PREX2: variants seen among roughly 807,000 people sequenced by gnomAD.
PREX2 encodes the protein phosphatidylinositol-3,4,5-trisphosphate dependent Rac exchange factor 2, also known as phosphatidylinositol 3,4,5-trisphosphate-dependent Rac exchanger 2 protein.
PREX2 carries 107 observed loss-of-function variants against 203.2 expected under a neutral mutation model. The ratio of observed to expected loss-of-function variants is 0.53; its 90% CI spans 0.45 to 0.62. The LOEUF is 0.62. Among genes scored for constraint, PREX2 ranks in the 20% least tolerant of loss-of-function variants. The pLI is 0.00. For missense variants in PREX2, 1,777 were observed against 1,955.9 expected, an observed-to-expected ratio of 0.91 and a Z score of 1.72; for synonymous variants, 672 against 663.6, an observed-to-expected ratio of 1.01 and a Z score of -0.19.
intron 1 of PREX2, among the ~76,000 whole-genome samples, chr8:68,011,263 T>G (rs1441946364): frequency 6.6e-6 from 1 of 152,106 alleles, no homozygotes; most frequent in African/African-American, 2.4e-5. Flanking sequence ...GCTCAAACAC[T>G]TCAAGAACAA....
rs1175959965 is a variant in PREX2, at chr8:68,027,112, A to G, written c.442-110A>G. 8.0e-6 allele frequency: 6 copies of G among 751,010 alleles called. No homozygotes were observed. The East Asian group carries it at 1.6e-4, about 20-fold the overall frequency. The allele number at this position is 751,010 out of a possible 1,614,324, so 46.5% of individuals were successfully genotyped here. A position where few individuals can be genotyped will look rare whatever the true frequency, so the allele number is the denominator to read the frequency against. On this transcript the variant is annotated intron_variant, in intron 4 of 39. Coordinates refer to ENST00000288368, the MANE Select transcript of PREX2 (RefSeq NM_024870.4). ...GAATATGCTCTTCTTAGAGAAAGAA[A>G]GTATATGAAGACATATGCTTTCACT...
intron 17 of PREX2, among the ~76,000 whole-genome samples, chr8:68,081,252 G>T (rs1397787690): frequency 6.6e-6 from 1 of 152,142 alleles, no homozygotes; most frequent in Non-Finnish European, 1.5e-5. Flanking sequence ...TTCACAATTG[G>T]GTTCGCGCTC....
At chr8:68,228,943 T>TCA (rs200976299) in intron 39 of PREX2, among the ~76,000 whole-genome samples, 21 of 113,852 alleles carry the variant, frequency 1.8e-4, no homozygotes, top group South Asian at 3.6e-4. Context: ...CCTTGTCTCT[T>TCA]TAAAAAAAAA....
intron 34 of PREX2, among the ~76,000 whole-genome samples, chr8:68,147,241 T>A (rs1370576855): frequency 6.6e-6 from 1 of 152,208 alleles, no homozygotes; most frequent in Non-Finnish European, 1.5e-5. Context: ...GGGAATAAAA[T>A]GTATCTATCT....
intron 31 of PREX2, among the ~76,000 whole-genome samples, chr8:68,128,945 T>G (rs1219549486): frequency 6.6e-6 from 1 of 152,114 alleles, no homozygotes; most frequent in Non-Finnish European, 1.5e-5. Context: ...TGAAAAAAGG[T>G]TTTGCCTTGC....
At chr8:68,220,754 A>C (rs1270735176) in intron 38 of PREX2, among the ~76,000 whole-genome samples, 2 of 152,210 alleles carry the variant, frequency 1.3e-5, no homozygotes, top group Non-Finnish European at 1.5e-5. Context: ...TACCTAGTAC[A>C]AAGTAAATGC....
chr8:67,954,225 C>G (rs1805431001), intron 1 of PREX2, among the ~76,000 whole-genome samples: 1 of 152,130 alleles, frequency 6.6e-6, no homozygotes, highest in African/African-American at 2.4e-5. Context: ...TTCTTTTTAT[C>G]TCTTTCAGAA....
At chr8:68,102,074 C>G (rs951655727) in intron 23 of PREX2, among the ~76,000 whole-genome samples, 1 of 152,158 alleles carries the variant, frequency 6.6e-6, no homozygotes, top group African/African-American at 2.4e-5. Flanking sequence ...CGCAGATGGG[C>G]AGGCTAATGG....
chr8:68,211,611 C>T (rs907124596), intron 37 of PREX2, among the ~76,000 whole-genome samples: 3 of 152,268 alleles, frequency 2.0e-5, no homozygotes, highest in East Asian at 1.9e-4. Context: ...GCCTGAGAGT[C>T]GAAGTAACCT....
At chr8:67,977,776 A>G (rs552464526) in intron 1 of PREX2, among the ~76,000 whole-genome samples, 5 of 152,254 alleles carry the variant, frequency 3.3e-5, no homozygotes, top group South Asian at 2.1e-4. Flanking sequence ...AAAACCCCAA[A>G]GTACTAGGTT....
intron 1 of PREX2, among the ~76,000 whole-genome samples, chr8:67,968,071 A>AT (rs886570091): frequency 3.0e-4 from 7 of 23,610 alleles, no homozygotes; most frequent in African/African-American, 2.6e-3. Flanking sequence ...CTTAAAGTAT[A>AT]AAAAAAAAAA....
chr8:68,092,392 G>A lies in PREX2; in HGVS notation c.2251-1213G>A, dbSNP rs1048923585. 7.2e-5 allele frequency among the ~76,000 whole-genome samples: 11 copies of A among 152,164 alleles called. No individual in the cohort carries two copies. In the South Asian group the frequency reaches 1.0e-3, roughly 14 times the overall value. ...TATTAATTAGACACACTTGAGAATC[G>A]AATACAAAAAATAGATAATACATAT... is the stretch of plus-strand genomic sequence containing the variant. On this transcript the variant is annotated intron_variant, in intron 20 of 39. Transcript: ENST00000288368.
At chr8:68,057,003 C>T (rs1808697835) in intron 10 of PREX2, among the ~76,000 whole-genome samples, 2 of 152,092 alleles carry the variant, frequency 1.3e-5, no homozygotes, top group South Asian at 4.2e-4. Context: ...CCTCTGCCTC[C>T]CTCATATGGT....
At position 68,093,734 on chromosome 8, in the gene PREX2, A is replaced by G. The variant is rs1202165183; in HGVS notation, c.2368+12A>G. Reference sequence around the variant, plus strand: ...CTGTAAAGTAGAAGGTAGGTTTCTTATTTTCTTCTTCATGTGCTTATAGTA... The same window carrying G: ...CTGTAAAGTAGAAGGTAGGTTTCTTGTTTTCTTCTTCATGTGCTTATAGTA... On this transcript the variant is annotated intron_variant, in intron 21 of 39. Transcript: ENST00000288368. The G allele has an allele frequency of 2.2e-6, 3 of 1,371,082 alleles. No homozygotes were observed. Among genetic ancestry groups the G allele is most frequent in the Non-Finnish European group, 1.0e-6 (1 of 963,678 alleles). The allele number at this position is 1,371,082 out of a possible 1,614,324, so 84.9% of individuals were successfully genotyped here.
At chr8:68,158,115 A>G (rs7464159) in intron 35 of PREX2, among the ~76,000 whole-genome samples, 7 of 1,410 alleles carry the variant, frequency 5.0e-3, no homozygotes, top group Middle Eastern at 0.2. Flanking sequence ...ATATGTGTGT[A>G]TATATATGTA....
intron 19 of PREX2, among the ~76,000 whole-genome samples, chr8:68,090,267 A>G (rs1413651899): frequency 6.6e-6 from 1 of 152,218 alleles, no homozygotes; most frequent in Non-Finnish European, 1.5e-5. Flanking sequence ...GCCATTATAT[A>G]TGCATATTTA....
At chr8:68,092,846 G>T (rs548793725) in intron 20 of PREX2, among the ~76,000 whole-genome samples, 3 of 152,224 alleles carry the variant, frequency 2.0e-5, no homozygotes, top group East Asian at 3.9e-4. Context: ...AAGAGATGGG[G>T]TCTCACTACG....
intron 38 of PREX2, among the ~76,000 whole-genome samples, chr8:68,224,193 A>G (rs909996135): frequency 2.0e-5 from 3 of 151,456 alleles, no homozygotes; most frequent in East Asian, 1.9e-4. Flanking sequence ...TAATTTTTCT[A>G]TTTTTTGTAG....
At chr8:68,225,156 C>T (rs1415520574) in intron 39 of PREX2, among the ~76,000 whole-genome samples, 1 of 152,136 alleles carries the variant, frequency 6.6e-6, no homozygotes, top group East Asian at 1.9e-4. Context: ...CTTTGCCCAA[C>T]CTGAATATGA....
Sources: allele counts gnomAD v4.1 joint callset (sites outside exome capture counted in the v4.1 genomes callset), GRCh38; gene constraint gnomAD v4.1.1; transcripts MANE v1.5; gene names NCBI Gene and HGNC (gene_info 2026-07-23, HGNC 2026-07-21).